The following ADAM2 variants were observed in gnomAD, a reference collection of about 807,000 sequenced individuals.
The protein encoded by ADAM2 is ADAM metallopeptidase domain 2.
Under a neutral mutation model 99.3 loss-of-function variants are expected in ADAM2, and 101 were observed. That is an observed-to-expected ratio of 1.02 (90% CI 0.87 to 1.20). The LOEUF is 1.20. Among genes scored for constraint, ADAM2 ranks in the 50% most tolerant of loss-of-function variants. The probability of loss-of-function intolerance (pLI) is 0.00; values close to 1 mark genes in which losing one functional copy is unlikely to be tolerated. For missense variants in ADAM2, 948 were observed against 878.7 expected, an observed-to-expected ratio of 1.08 and a Z score of -1.00; for synonymous variants, 323 against 287.6, an observed-to-expected ratio of 1.12 and a Z score of -1.25.
At chr8:39,835,384 T>A (rs1027611334) in intron 2 of ADAM2, among the ~76,000 whole-genome samples, 6 of 150,996 alleles carry the variant, frequency 4.0e-5, no homozygotes, top group African/African-American at 1.5e-4. Flanking sequence ...CAATTATTTT[T>A]AAAAATCTAG....
At chr8:39,760,747 A>T (rs542910201) in intron 15 of ADAM2, among the ~76,000 whole-genome samples, 27 of 151,720 alleles carry the variant, frequency 1.8e-4, no homozygotes, top group Non-Finnish European at 2.5e-4. Context: ...AATAAAAAAA[A>T]AACACATTTT....
intron 3 of ADAM2, among the ~76,000 whole-genome samples, chr8:39,825,902 T>C (rs1805379295): frequency 6.6e-6 from 1 of 152,222 alleles, no homozygotes; most frequent in Non-Finnish European, 1.5e-5. Context: ...GCATTGTTTT[T>C]TATTTACATT....
chr8:39,761,848 G>A (rs1315108624), intron 14 of ADAM2, among the ~76,000 whole-genome samples: 3 of 152,264 alleles, frequency 2.0e-5, no homozygotes, highest in Non-Finnish European at 4.4e-5. Flanking sequence ...TTGGGAGGCC[G>A]AGGCGGGCGG....
chr8:39,816,222 G>C (rs78145796), intron 6 of ADAM2, among the ~76,000 whole-genome samples: 26,531 of 152,070 alleles, frequency 0.17, 2,567 homozygotes, highest in East Asian at 0.28. Flanking sequence ...ACTTGAACCC[G>C]GGAGGTGGAG....
intron 7 of ADAM2, among the ~76,000 whole-genome samples, chr8:39,794,730 C>T (rs1042582574): frequency 1.3e-5 from 2 of 152,028 alleles, no homozygotes; most frequent in African/African-American, 4.8e-5. Context: ...ATGACCCTCT[C>T]ATGCACACCC....
intron 7 of ADAM2, among the ~76,000 whole-genome samples, chr8:39,791,953 A>AT (rs1187580501): frequency 2.0e-5 from 3 of 152,198 alleles, no homozygotes; most frequent in Non-Finnish European, 4.4e-5. Flanking sequence ...CTGTGTTAGG[A>AT]TAAGTTGGTG....
intron 7 of ADAM2, among the ~76,000 whole-genome samples, chr8:39,801,663 C>T (rs971604231): frequency 2.0e-5 from 3 of 152,066 alleles, no homozygotes; most frequent in Non-Finnish European, 4.4e-5. Context: ...GCCCCTCCCC[C>T]TGGGGGCTCA....
At chr8:39,760,493 A>G (rs1802308292) in intron 15 of ADAM2, among the ~76,000 whole-genome samples, 1 of 152,088 alleles carries the variant, frequency 6.6e-6, no homozygotes, top group Non-Finnish European at 1.5e-5. Context: ...AGGCCGAGGC[A>G]GGTGGATCAC....
chr8:39,795,675 G>A (rs1803907589), intron 7 of ADAM2, among the ~76,000 whole-genome samples: 1 of 152,068 alleles, frequency 6.6e-6, no homozygotes, highest in South Asian at 2.1e-4. Context: ...CAACCACCAT[G>A]GGCACAAGTC....
chr8:39,752,240 G>T (rs1387226287), intron 16 of ADAM2, among the ~76,000 whole-genome samples: 5 of 151,992 alleles, frequency 3.3e-5, no homozygotes, highest in African/African-American at 1.2e-4. Flanking sequence ...ATTAGAAGCA[G>T]GTTATATCAA....
intron 3 of ADAM2, among the ~76,000 whole-genome samples, chr8:39,830,010 G>T (rs1012633829): frequency 1.3e-5 from 2 of 152,094 alleles, no homozygotes; most frequent in East Asian, 3.8e-4. Flanking sequence ...GGACTGAGGG[G>T]CTATTATAGC....
At chr8:39,766,693 C>A (rs1023132561) in intron 14 of ADAM2, among the ~76,000 whole-genome samples, 155 bp downstream of exon 14, 4 of 152,130 alleles carry the variant, frequency 2.6e-5, no homozygotes, top group Admixed American at 6.5e-5. Context: ...CATGCGTGAG[C>A]CACCGCGCCT....
chr8:39,820,883 A>T, intron 6 of ADAM2, 119 bp downstream of exon 6: 1 of 567,060 alleles, frequency 1.8e-6, no homozygotes, highest in Non-Finnish European at 3.0e-6. Context: ...GTATCCATAC[A>T]TGTGGCTATA....
intron 3 of ADAM2, among the ~76,000 whole-genome samples, chr8:39,827,695 G>A (rs970973448): frequency 1.3e-5 from 2 of 152,104 alleles, no homozygotes; most frequent in Non-Finnish European, 2.9e-5. Flanking sequence ...ACTCATAGAA[G>A]CAGAGAGTAG....
chr8:39,824,896 T>A lies in ADAM2; in HGVS notation c.190A>T (p.Asn64Tyr). The change falls in exon 4 of 21, where the codon AAC becomes TAC. Residue 64 changes from asparagine (N) to tyrosine (Y), a missense_variant and splice_region_variant. Asn to Tyr is a moderately radical substitution (Grantham distance 143). Coordinates refer to ENST00000265708, the MANE Select transcript of ADAM2 (RefSeq NM_001464.5). The stretch of plus-strand genomic sequence containing the variant: ...ACTCTAAAATTATGGGGTAAAAAGT[T>A]TCTGTAACATAAAGATAAAATGGAA... The part of the protein sequence containing the change: ...KPYTVNLMQK[N>Y]FLPHNFRVYS... 7.2e-7 allele frequency: 1 copy of A among 1,382,044 alleles called. No individual in the cohort carries two copies. Among genetic ancestry groups the A allele is most frequent in the Non-Finnish European group, 1.0e-6 (1 of 983,220 alleles). The allele number at this position is 1,382,044 out of a possible 1,614,324, so 85.6% of individuals were successfully genotyped here.
chr8:39,796,076 T>C (rs760168177), intron 7 of ADAM2, among the ~76,000 whole-genome samples: 2 of 150,644 alleles, frequency 1.3e-5, no homozygotes, highest in Non-Finnish European at 2.9e-5. Context: ...CTTTATTTCT[T>C]CTTCTAAAAA....
At position 39,821,188 on chromosome 8, in the gene ADAM2, A is replaced by G. The variant is rs779927337; in HGVS notation, c.345-18T>C. On this transcript the variant is annotated intron_variant, in intron 5 of 20. Transcript: ENST00000265708. ...GTACGCCCCTAAAAATTTCAAAAAAAAATTAATAAGTAAAACAATGCCTTG... is the reference window on the plus strand; with the variant it reads ...GTACGCCCCTAAAAATTTCAAAAAAGAATTAATAAGTAAAACAATGCCTTG... 13 of 1,520,714 alleles carry G rather than the reference A, an allele frequency of 8.5e-6. No individual in the cohort carries two copies. 94.2% of individuals were successfully genotyped at this position (1,520,714 alleles called of 1,614,324 possible). A position where few individuals can be genotyped will look rare whatever the true frequency, so the allele number is the denominator to read the frequency against.
chr8:39,778,308 A>C (rs963552639), intron 10 of ADAM2, among the ~76,000 whole-genome samples: 7 of 151,988 alleles, frequency 4.6e-5, no homozygotes, highest in African/African-American at 1.7e-4. Context: ...TCCACCCCAA[A>C]AAGATGACAC....
intron 6 of ADAM2, chr8:39,817,890 C>T (rs1027670104): frequency 6.6e-5 from 10 of 151,614 alleles, no homozygotes; most frequent in African/African-American, 2.4e-4. Flanking sequence ...ACACAAACTA[C>T]CTAAATTGAC....
Sources: gnomAD v4.1 joint callset for allele counts (sites outside exome capture counted in the v4.1 genomes callset) on GRCh38, gnomAD v4.1.1 for gene constraint, MANE v1.5 for transcripts, NCBI Gene and HGNC (gene_info 2026-07-23, HGNC 2026-07-21) for gene names.